OPRM1: variants seen among roughly 807,000 people sequenced by gnomAD.
OPRM1 encodes mu-type opioid receptor.
Under a neutral mutation model 31.8 loss-of-function variants are expected in OPRM1, and 27 were observed. The ratio of observed to expected loss-of-function variants is 0.85; its 90% CI spans 0.63 to 1.17. The LOEUF is 1.17. Among genes scored for constraint, OPRM1 ranks in the 50% most tolerant of loss-of-function variants. The pLI is 0.00. For synonymous variants in OPRM1, 196 were observed against 189.9 expected, an observed-to-expected ratio of 1.03 and a Z score of -0.26; for missense variants, 536 against 511.1, an observed-to-expected ratio of 1.05 and a Z score of -0.47.
At chr6:154,246,494 C>T in intron 3 of OPRM1, 3 of 1,377,446 alleles carry the variant, frequency 2.2e-6, no homozygotes, top group Non-Finnish European at 2.0e-6. Context: ...CTCCAATTCC[C>T]AGAAATCAAA....
chr6:154,134,481 C>G (rs1798006174), downstream of OPRM1, among the ~76,000 whole-genome samples: 2 of 152,184 alleles, frequency 1.3e-5, no homozygotes, highest in Non-Finnish European at 2.9e-5. Context: ...GGCCCTGGTT[C>G]TGAAGCTGCG....
In OPRM1 at chr6:154,122,465, G is replaced by T. The variant is rs1797359925; in HGVS notation, c.*3744G>T. ...GTTCAGGATACATAGTCATAGAACA[G>T]GGCATGCAGATTGTATTTAAGACCA... On this transcript the variant is annotated 3_prime_UTR_variant, in exon 4 of 4. Transcript: ENST00000330432. 6.6e-6 allele frequency among the ~76,000 whole-genome samples: 1 copy of T among 152,146 alleles called. No individual in the cohort carries two copies. The highest frequency in any genetic ancestry group is 2.4e-5 in the African/African-American group (1 of 41,442).
chr6:154,180,414 A>ATATTTTTT (rs1241250621), intron 3 of OPRM1, among the ~76,000 whole-genome samples: 1,627 of 64,686 alleles, frequency 0.025, 19 homozygotes, highest in Non-Finnish European at 0.042. Flanking sequence ...ATATATATAT[A>ATATTTTTT]TTTTTTTTTT....
intron 3 of OPRM1, among the ~76,000 whole-genome samples, chr6:154,224,503 T>G (rs1419329157): frequency 6.6e-6 from 1 of 150,734 alleles, no homozygotes; most frequent in Admixed American, 6.6e-5. Context: ...CGGTGAGGTG[T>G]TCACGTTCAG....
chr6:154,240,147 A>G (rs936871224), intron 3 of OPRM1, among the ~76,000 whole-genome samples: 20 of 152,372 alleles, frequency 1.3e-4, no homozygotes, highest in African/African-American at 4.6e-4. Context: ...ATCAGTGTTC[A>G]ATAATAATGC....
chr6:154,039,925 G>C (rs1257183292), intron 1 of OPRM1, 91 bp downstream of exon 1: 1 of 1,242,538 alleles, frequency 8.0e-7, no homozygotes, highest in African/African-American at 1.5e-5. Context: ...ATGTTGGGCG[G>C]GAGGATGAAA....
chr6:154,031,592 T>A (rs1207656636), intron 1 of OPRM1, among the ~76,000 whole-genome samples: 4 of 149,960 alleles, frequency 2.7e-5, no homozygotes, highest in East Asian at 1.9e-4. Flanking sequence ...AAAAAAAAAA[T>A]TAGCTGGGCA....
chr6:154,204,291 A>T (rs1158273917), intron 3 of OPRM1, among the ~76,000 whole-genome samples: 1 of 152,156 alleles, frequency 6.6e-6, no homozygotes, highest in African/African-American at 2.4e-5. Flanking sequence ...TAAAATGGCC[A>T]CCCAAACCCT....
At chr6:154,243,855 T>C (rs1780800520) in intron 3 of OPRM1, among the ~76,000 whole-genome samples, 1 of 152,202 alleles carries the variant, frequency 6.6e-6, no homozygotes. Flanking sequence ...ACTTTCAAAA[T>C]GTGGAGACAA....
intron 3 of OPRM1, among the ~76,000 whole-genome samples, chr6:154,173,032 G>C (rs984815621): frequency 2.6e-5 from 4 of 152,238 alleles, no homozygotes; most frequent in African/African-American, 9.6e-5. Flanking sequence ...AACAGGGTCT[G>C]GAGTGCACCT....
downstream of OPRM1, among the ~76,000 whole-genome samples, chr6:154,132,608 C>T (rs906916079): frequency 2.0e-5 from 3 of 152,118 alleles, no homozygotes; most frequent in Non-Finnish European, 2.9e-5. Flanking sequence ...CCAAACCATA[C>T]AGAGAAGAAA....
intron 3 of OPRM1, among the ~76,000 whole-genome samples, chr6:154,237,399 A>T (rs2128632536): frequency 6.6e-6 from 1 of 152,262 alleles, no homozygotes; most frequent in African/African-American, 2.4e-5. Flanking sequence ...GTATTTTTGG[A>T]CTTTCTTACA....
At chr6:154,147,169 G>T (rs1798380034) in intron 3 of OPRM1, among the ~76,000 whole-genome samples, 1 of 152,154 alleles carries the variant, frequency 6.6e-6, no homozygotes, top group Non-Finnish European at 1.5e-5. Context: ...ATGGGGAGTG[G>T]TTAGCAGCCA....
chr6:154,014,504 A>G (rs1440758489), intron 1 of OPRM1, among the ~76,000 whole-genome samples: 1 of 152,122 alleles, frequency 6.6e-6, no homozygotes, highest in Non-Finnish European at 1.5e-5. Flanking sequence ...ATACAAAACT[A>G]CATACCTGGT....
chr6:154,235,871 G>T (rs369015269), intron 3 of OPRM1, among the ~76,000 whole-genome samples: 2 of 152,152 alleles, frequency 1.3e-5, no homozygotes, highest in Non-Finnish European at 2.9e-5. Flanking sequence ...TTAGGATGGC[G>T]ACTGTAAATA....
In OPRM1 at chr6:154,127,516, G is replaced by A. The variant is rs543221974; in HGVS notation, c.*8795G>A. Among the ~76,000 whole-genome samples the A allele has an allele frequency of 1.1e-4, 16 of 152,204 alleles. No individual in the cohort carries two copies. Among genetic ancestry groups the A allele is most frequent in the African/African-American group, 1.4e-4 (6 of 41,536 alleles). ...AATGTTTGTCATCACACAGATACAC[G>A]CTCAGGATAAGAACTACCAGACTAG... On this transcript the variant is annotated 3_prime_UTR_variant, in exon 4 of 4. Transcript: ENST00000330432.
intron 1 of OPRM1, among the ~76,000 whole-genome samples, chr6:154,014,970 A>T (rs922673688): frequency 6.6e-6 from 1 of 152,158 alleles, no homozygotes; most frequent in African/African-American, 2.4e-5. Context: ...TCTAGGCTAA[A>T]TTTTAGCAAG....
chr6:154,116,051 GACATCTAGAGGCCCTAAATCAGC>G (rs943928501), intron 3 of OPRM1, among the ~76,000 whole-genome samples: 4 of 152,106 alleles, frequency 2.6e-5, no homozygotes, highest in Admixed American at 2.6e-4. Flanking sequence ...CTTTATCCTA[GACATCTAGAGGCCCTAAATCAGC>G]ACAGCTGCCA....
chr6:154,186,649 C>T (rs552687850), intron 3 of OPRM1, among the ~76,000 whole-genome samples: 14 of 152,154 alleles, frequency 9.2e-5, no homozygotes, highest in African/African-American at 2.9e-4. Flanking sequence ...CTCCGCCTCC[C>T]GGGTTCGCGC....
Sources: gnomAD v4.1 joint callset for allele counts (sites outside exome capture counted in the v4.1 genomes callset) on GRCh38, gnomAD v4.1.1 for gene constraint, MANE v1.5 for transcripts, NCBI Gene and HGNC (gene_info 2026-07-23, HGNC 2026-07-21) for gene names.